The following FRK variants were observed in gnomAD, a reference collection of about 807,000 sequenced individuals.
FRK encodes the protein tyrosine-protein kinase FRK.
Under a neutral mutation model 56.4 loss-of-function variants are expected in FRK, and 51 were observed. The ratio of observed to expected loss-of-function variants is 0.90; its 90% confidence interval spans 0.72 to 1.14. The LOEUF is 1.14. Among genes scored for constraint, FRK ranks in the 50% most tolerant of loss-of-function variants. The pLI, the probability that FRK is intolerant of heterozygous loss-of-function variation, is 0.00. For missense variants in FRK, 570 were observed against 601.4 expected (o/e 0.95, Z 0.55); for synonymous variants, 245 against 217.9 (o/e 1.12, Z -1.10).
chr6:116,002,585 A>G, intron 2 of FRK: 1 of 394,610 alleles, frequency 2.5e-6, no homozygotes, highest in South Asian at 1.8e-5. Flanking sequence ...CAGCCTAGCC[A>G]TAGAGCGACA....
the FRK span, among the ~76,000 whole-genome samples, chr6:116,093,349 A>T: frequency 6.6e-6 from 1 of 152,212 alleles, no homozygotes; most frequent in African/African-American, 2.4e-5. Context: ...TCCCTCTCTG[A>T]TTTAAAGCAG....
At chr6:116,000,987 C>T (rs1036174272) in intron 2 of FRK, among the ~76,000 whole-genome samples, 1 of 152,068 alleles carries the variant, frequency 6.6e-6, no homozygotes, top group Non-Finnish European at 1.5e-5. Context: ...CGCCTGTAAT[C>T]CCAGCACTTT....
chr6:115,966,593 C>T (rs1411078300), intron 4 of FRK, among the ~76,000 whole-genome samples: 1 of 152,128 alleles, frequency 6.6e-6, no homozygotes, highest in East Asian at 1.9e-4. Context: ...TACCAAACCT[C>T]TAAGAATTCT....
chr6:115,982,754 A>G (rs1211374365), intron 2 of FRK, among the ~76,000 whole-genome samples: 1 of 152,034 alleles, frequency 6.6e-6, no homozygotes, highest in African/African-American at 2.4e-5. Context: ...AGTGCAAAAC[A>G]TAGCATTCTT....
chr6:115,957,456 T>C (rs968556019), intron 4 of FRK, among the ~76,000 whole-genome samples: 2 of 152,234 alleles, frequency 1.3e-5, no homozygotes, highest in Non-Finnish European at 2.9e-5. Flanking sequence ...GAGGCATTAC[T>C]GTAATTAAAG....
At chr6:116,061,397 GAA>G (rs1582773395), upstream of FRK, among the ~76,000 whole-genome samples, 1 of 102,728 alleles carries the variant, frequency 9.7e-6, no homozygotes, top group East Asian at 4.7e-4. Flanking sequence ...TACTATTTGG[GAA>G]ACACACACAC....
At chr6:115,967,399 T>G in intron 4 of FRK, 152 bp downstream of exon 4, 2 of 594,822 alleles carry the variant, frequency 3.4e-6, no homozygotes, top group Non-Finnish European at 2.9e-6. Flanking sequence ...TAATGCCTTA[T>G]CCATAGGTTG....
At chr6:116,083,144 T>G in the FRK span, among the ~76,000 whole-genome samples, 1 of 152,158 alleles carries the variant, frequency 6.6e-6, no homozygotes, top group Non-Finnish European at 1.5e-5. Flanking sequence ...ATGACGGTCA[T>G]GGATAAAATA....
intron 2 of FRK, among the ~76,000 whole-genome samples, chr6:115,980,988 T>A (rs1774178375): frequency 6.6e-6 from 1 of 152,152 alleles, no homozygotes; most frequent in South Asian, 2.1e-4. Flanking sequence ...TTTTATATTA[T>A]GTTTCAGCAT....
Position 115,967,611 on chromosome 6 carries a change from C to G in FRK, c.739G>C (p.Glu247Gln). The G allele has an allele frequency of 6.2e-7, 1 of 1,613,820 alleles. No homozygotes were observed. Among genetic ancestry groups the G allele is most frequent in the East Asian group, 2.2e-5 (1 of 44,868 alleles). ...TTGTTCCACAGACCTTCCCATACTT[C>G]GCCAAACTGACCAGATCCCAATCGC... The part of the protein sequence containing the change: ...LKRLGSGQFG[E>Q]VWEGLWNNTT... Residue 247 changes from glutamate to glutamine, a missense_variant, in exon 4 of 8, where the codon GAA becomes CAA. Transcript: ENST00000606080.
At chr6:115,983,344 C>CT (rs1002158804) in intron 2 of FRK, among the ~76,000 whole-genome samples, 5 of 152,124 alleles carry the variant, frequency 3.3e-5, no homozygotes, top group African/African-American at 1.2e-4. Flanking sequence ...CCAGCAAGCA[C>CT]TTTTAGGCAG....
intron 2 of FRK, among the ~76,000 whole-genome samples, chr6:115,974,377 G>C (rs1773917317): frequency 6.6e-6 from 1 of 152,098 alleles, no homozygotes; most frequent in African/African-American, 2.4e-5. Context: ...ATTATATAAA[G>C]AAAGCCTAAA....
chr6:116,054,007 A>G (rs1476956604), intron 1 of FRK, among the ~76,000 whole-genome samples: 1 of 151,934 alleles, frequency 6.6e-6, no homozygotes, highest in African/African-American at 2.4e-5. Context: ...CTTCACATCT[A>G]TGATTTTGCT....
At chr6:116,098,348 C>T in the FRK span, among the ~76,000 whole-genome samples, 17 of 152,030 alleles carry the variant, frequency 1.1e-4, no homozygotes, top group East Asian at 3.3e-3. Context: ...TTACCTCAAG[C>T]GATCTGCCTA....
intron 5 of FRK, among the ~76,000 whole-genome samples, chr6:115,951,068 A>T (rs1400612386): frequency 6.6e-6 from 1 of 152,208 alleles, no homozygotes; most frequent in African/African-American, 2.4e-5. Flanking sequence ...TACCTAATGT[A>T]GATGACAGGT....
upstream of FRK, among the ~76,000 whole-genome samples, chr6:116,061,377 A>G (rs1426122140): frequency 6.7e-6 from 1 of 149,084 alleles, no homozygotes; most frequent in Non-Finnish European, 1.5e-5. Flanking sequence ...TTAATTTCCT[A>G]TCCTTCAAGT....
At chr6:116,022,372 G>T (rs1775905385) in intron 1 of FRK, among the ~76,000 whole-genome samples, 1 of 151,942 alleles carries the variant, frequency 6.6e-6, no homozygotes, top group African/African-American at 2.4e-5. Context: ...CTTTTTCCAA[G>T]AAAAGGAAAC....
In FRK at chr6:115,939,968, G is replaced by GT. The variant is rs1772127377; in HGVS notation, c.*2445_*2446insA. On this transcript the variant is annotated 3_prime_UTR_variant, in exon 8 of 8. Coordinates refer to ENST00000606080, the MANE Select transcript of FRK (RefSeq NM_002031.3). ...TACCATTGACTTTCTTCACAGAATT[G>GT]GAAAAAACTACTTTAAACTTCATAT... 1 of 151,982 alleles carries GT rather than the reference G, an allele frequency of 6.6e-6. No homozygotes were observed. Among genetic ancestry groups the GT allele is most frequent in the Non-Finnish European group, 1.5e-5 (1 of 67,994 alleles). The allele number at this position is 151,982 out of a possible 1,614,324, so 9.4% of individuals were successfully genotyped here.
chr6:116,095,808 T>C, the FRK span, among the ~76,000 whole-genome samples: 5 of 152,328 alleles, frequency 3.3e-5, 1 homozygote, highest in African/African-American at 2.4e-5. Context: ...CCTAGACCTC[T>C]TCACTGCTGA....
Sources: gnomAD v4.1 joint callset for allele counts (sites outside exome capture counted in the v4.1 genomes callset) on GRCh38, gnomAD v4.1.1 for gene constraint, MANE v1.5 for transcripts, NCBI Gene and HGNC (gene_info 2026-07-23, HGNC 2026-07-21) for gene names.